JADE3: variants seen among roughly 807,000 people sequenced by gnomAD.
The protein encoded by JADE3 is protein Jade-3.
In JADE3, 2 loss-of-function variants were observed where a neutral mutation model predicts 50.1. The observed-to-expected ratio is 0.04, with a 90% CI of 0.02 to 0.13. The LOEUF (loss-of-function observed/expected upper bound fraction) is 0.13. Among genes scored for constraint, JADE3 ranks in the 10% least tolerant of loss-of-function variants. JADE3 has a pLI of 1.00. For synonymous variants in JADE3, 218 were observed against 232.9 expected, an observed-to-expected ratio of 0.94 and a Z score of 0.58; for missense variants, 475 against 634.4, an observed-to-expected ratio of 0.75 and a Z score of 2.70.
chrX:47,027,633 C>A (rs1461650767), intron 5 of JADE3, among the ~76,000 whole-genome samples: 1 of 111,937 alleles, frequency 8.9e-6, no homozygotes, highest in African/African-American at 3.2e-5. Context: ...GACAAGAAAT[C>A]GAAAGGGTCA....
chrX:47,054,209 C>A lies in JADE3; in HGVS notation c.1024C>A (p.His342Asn), dbSNP rs201053091. Residue 342 changes from histidine to asparagine, a missense_variant, in exon 9 of 11, where the codon CAC becomes AAC. Coordinates refer to ENST00000614628, the MANE Select transcript of JADE3 (RefSeq NM_014735.5). Reference sequence around the variant, plus strand: ...CTTCCACGTCACCTGTGCCTTTGAGCACGGCCTAGAGATGAAGACCATCCT... The same window carrying A: ...CTTCCACGTCACCTGTGCCTTTGAGAACGGCCTAGAGATGAAGACCATCCT... ...TAFHVTCAFE[H>N]GLEMKTILDE... 1 of 1,207,070 alleles carries A rather than the reference C, an allele frequency of 8.3e-7. No homozygotes were observed. Among genetic ancestry groups the A allele is most frequent in the Non-Finnish European group, 1.1e-6 (1 of 894,143 alleles).
Position 47,041,171 on chromosome X carries a change from C to G in JADE3, c.972+2106C>G, listed in dbSNP as rs373595609. On this transcript the variant is annotated intron_variant, in intron 8 of 10. Coordinates refer to ENST00000614628, the MANE Select transcript of JADE3 (RefSeq NM_014735.5). Reference sequence around the variant, plus strand: ...GTGCATCATTTTTCTGTGAATTTCCCTGGCACAAAGTAGAGAGCCTGCCCA... The same window carrying G: ...GTGCATCATTTTTCTGTGAATTTCCGTGGCACAAAGTAGAGAGCCTGCCCA... Among the ~76,000 whole-genome samples, 526 of 111,456 alleles carry G rather than the reference C, an allele frequency of 4.7e-3. 2 individuals carry two copies. The highest frequency in any genetic ancestry group is 0.017 in the African/African-American group (507 of 30,645).
chrX:46,967,741 T>C (rs1233927708), intron 1 of JADE3, among the ~76,000 whole-genome samples: 2 of 112,225 alleles, frequency 1.8e-5, no homozygotes, highest in Non-Finnish European at 3.8e-5. Context: ...CTTTCCAGCT[T>C]TCTCACTCAT....
chrX:47,012,954 C>T (rs143007611), intron 4 of JADE3, among the ~76,000 whole-genome samples: 1 of 111,276 alleles, frequency 9.0e-6, no homozygotes, highest in Non-Finnish European at 1.9e-5. Flanking sequence ...AGTCAGGCTG[C>T]TATGAAAGAA....
chrX:46,922,333 T>A lies in JADE3; in HGVS notation c.-12+9614T>A, dbSNP rs782450965. Among the ~76,000 whole-genome samples, 35 of 111,898 alleles carry A rather than the reference T, an allele frequency of 3.1e-4. No individual in the cohort carries two copies. In the South Asian group the frequency reaches 0.012, roughly 39 times the overall value. On this transcript the variant is annotated intron_variant, in intron 1 of 10. Coordinates refer to ENST00000614628, the MANE Select transcript of JADE3 (RefSeq NM_014735.5). ...ATATGCCTAATTGTGGCTTTTAAAA[T>A]TTTTTCATTTTTGTCCTGCTTTGTG...
chrX:47,006,427 G>A (rs186657641), intron 4 of JADE3, among the ~76,000 whole-genome samples: 1 of 107,438 alleles, frequency 9.3e-6, no homozygotes, highest in Non-Finnish European at 1.9e-5. Context: ...GGGACTACAG[G>A]CGCATGCCAC....
intron 3 of JADE3, among the ~76,000 whole-genome samples, chrX:46,996,700 C>G (rs1425033031): frequency 8.9e-6 from 1 of 112,079 alleles, no homozygotes; most frequent in African/African-American, 3.2e-5. Flanking sequence ...CATCTCAAAT[C>G]TCCCTCCACC....
intron 1 of JADE3, among the ~76,000 whole-genome samples, chrX:46,974,998 C>T (rs1419288787): frequency 8.9e-6 from 1 of 112,109 alleles, no homozygotes; most frequent in Non-Finnish European, 1.9e-5. Flanking sequence ...ATGCCAGTAA[C>T]ATCAATTATT....
intron 1 of JADE3, among the ~76,000 whole-genome samples, chrX:46,946,526 C>T (rs1556343487): frequency 3.6e-5 from 4 of 112,090 alleles, no homozygotes; most frequent in African/African-American, 3.2e-5. Flanking sequence ...TAAAATAGTG[C>T]CTCCATGAGT....
Position 47,058,690 on chromosome X carries a change from C to T in JADE3, c.2085C>T (p.Ser695=). The part of the protein sequence containing the change: ...EMFCDQEPVF[S]PHLVSQGSFR... ...TCTGTGACCAGGAGCCTGTGTTCAGCCCCCACTTGGTCAGTCAGGGCAGCT... is the reference window on the plus strand; with the variant it reads ...TCTGTGACCAGGAGCCTGTGTTCAGTCCCCACTTGGTCAGTCAGGGCAGCT... The change falls in exon 11 of 11, where the codon AGC becomes AGT. Residue 695 remains serine (S), a synonymous_variant. Transcript: ENST00000614628. The T allele has an allele frequency of 8.3e-7, 1 of 1,211,199 alleles. No homozygotes were observed.
At chrX:46,936,017 A>AT (rs145853620) in intron 1 of JADE3, among the ~76,000 whole-genome samples, 1 of 76,597 alleles carries the variant, frequency 1.3e-5, no homozygotes, top group African/African-American at 5.2e-5. Context: ...GAATACATTG[A>AT]TTTTTTTTTT....
intron 1 of JADE3, among the ~76,000 whole-genome samples, chrX:46,926,484 G>A (rs1926370415): frequency 9.0e-6 from 1 of 111,220 alleles, no homozygotes; most frequent in African/African-American, 3.3e-5. Flanking sequence ...GGGCTCAAGT[G>A]ATCCTCCCAC....
chrX:46,925,505 A>G (rs1410021705), intron 1 of JADE3, among the ~76,000 whole-genome samples: 18 of 112,118 alleles, frequency 1.6e-4, no homozygotes, highest in African/African-American at 5.8e-4. Context: ...AATGGGAAAC[A>G]CAGAAATTAG....
intron 4 of JADE3, among the ~76,000 whole-genome samples, chrX:47,004,085 C>T (rs1306881640): frequency 2.8e-5 from 3 of 107,625 alleles, no homozygotes; most frequent in Non-Finnish European, 5.7e-5. Context: ...ATCGCCACGC[C>T]CAGCTGATTT....
intron 1 of JADE3, among the ~76,000 whole-genome samples, chrX:46,917,834 C>CTCT (rs1556336773): frequency 1.2e-4 from 5 of 42,545 alleles, no homozygotes; most frequent in Admixed American, 6.6e-4. Flanking sequence ...TCTCTCTCAT[C>CTCT]CTCTCTCTCT....
chrX:47,051,648 T>G (rs1485055536), intron 8 of JADE3, among the ~76,000 whole-genome samples: 2 of 109,115 alleles, frequency 1.8e-5, no homozygotes, highest in Non-Finnish European at 3.8e-5. Flanking sequence ...AATACAAAAA[T>G]TAGCCAGGCA....
rs781828139 is a variant in JADE3, at chrX:46,998,041, G to T, written c.127-79G>T. ...GTTGGAAGCAGAGTGGATGGGGATG[G>T]TCTTTTTAAAAGGAGAACATTGAAT... On this transcript the variant is annotated intron_variant, in intron 3 of 10. Coordinates refer to ENST00000614628, the MANE Select transcript of JADE3 (RefSeq NM_014735.5). 1,225 of 827,697 alleles carry T rather than the reference G, an allele frequency of 1.5e-3. 1 individual carries two copies. The highest frequency in any genetic ancestry group is 0.014 in the Middle Eastern group (47 of 3,379). 68.2% of individuals were successfully genotyped at this position (827,697 alleles called of 1,213,427 possible). A position where few individuals can be genotyped will look rare whatever the true frequency, so the allele number is the denominator to read the frequency against.
intron 1 of JADE3, among the ~76,000 whole-genome samples, chrX:46,936,576 G>C (rs1211066805): frequency 9.0e-6 from 1 of 111,343 alleles, no homozygotes. Context: ...GAATTTGCCA[G>C]TAAAACTATC....
intron 4 of JADE3, among the ~76,000 whole-genome samples, chrX:47,000,098 AC>A (rs1928244284): frequency 9.0e-6 from 1 of 111,040 alleles, no homozygotes; most frequent in Non-Finnish European, 1.9e-5. Context: ...AGGCTGTCCT[AC>A]CCACAGAGGC....
Sources: gnomAD v4.1 joint callset for allele counts (sites outside exome capture counted in the v4.1 genomes callset) on GRCh38, gnomAD v4.1.1 for gene constraint, MANE v1.5 for transcripts, NCBI Gene and HGNC (gene_info 2026-07-23, HGNC 2026-07-21) for gene names.